The following TM6SF1 variants were observed in gnomAD, a reference collection of about 807,000 sequenced individuals.
TM6SF1 encodes the protein transmembrane 6 superfamily member 1.
A neutral mutation model predicts 47.1 loss-of-function variants in TM6SF1; 43 were observed. That is an observed-to-expected ratio of 0.91 (90% CI 0.72 to 1.18). The LOEUF (loss-of-function observed/expected upper bound fraction) is 1.18, where lower values mean the gene tolerates loss of function less well. Ranked by LOEUF, TM6SF1 falls within the 50% of genes most tolerant of loss-of-function variation. The pLI, the probability that TM6SF1 is intolerant of heterozygous loss-of-function variation, is 0.00. For synonymous variants in TM6SF1, 177 were observed against 166.3 expected (o/e 1.06, Z -0.49); for missense variants, 390 against 449.0 (o/e 0.87, Z 1.19).
At chr15:83,116,105 C>T (rs2034635386) in intron 3 of TM6SF1, among the ~76,000 whole-genome samples, 163 bp downstream of exon 3, 1 of 152,168 alleles carries the variant, frequency 6.6e-6, no homozygotes, top group Non-Finnish European at 1.5e-5. Flanking sequence ...GAAAGTGGAG[C>T]AGAAAGGACG....
intron 9 of TM6SF1, 178 bp downstream of exon 9, chr15:83,127,655 A>G (rs1446847550): frequency 3.2e-6 from 2 of 619,316 alleles, no homozygotes; most frequent in Non-Finnish European, 5.6e-6. Context: ...CAATCTCACA[A>G]TAACTATATG....
chr15:83,131,261 A>G (rs1437825608), intron 9 of TM6SF1: 1 of 152,168 alleles, frequency 6.6e-6, no homozygotes, highest in Non-Finnish European at 1.5e-5. Flanking sequence ...TAAACTCTCA[A>G]GAATCTATGC....
chr15:83,119,413 C>A (rs1031229553), intron 3 of TM6SF1, among the ~76,000 whole-genome samples, 165 bp from the exon 4 acceptor site: 3 of 152,150 alleles, frequency 2.0e-5, no homozygotes, highest in African/African-American at 7.2e-5. Context: ...GCAGCTCCAG[C>A]GTAAAGTTGT....
At chr15:83,108,660 G>C (rs1302642516) in intron 1 of TM6SF1, among the ~76,000 whole-genome samples, 2 of 152,216 alleles carry the variant, frequency 1.3e-5, no homozygotes, top group Admixed American at 6.5e-5. Context: ...GCTGATGTTG[G>C]TTGCTGTCTG....
chr15:83,119,338 T>C (rs995558571), intron 3 of TM6SF1, among the ~76,000 whole-genome samples: 2 of 152,268 alleles, frequency 1.3e-5, no homozygotes, highest in African/African-American at 4.8e-5. Context: ...CCTATGTTGA[T>C]GCATCATGGG....
At chr15:83,125,118 C>A (rs868403858) in intron 7 of TM6SF1, among the ~76,000 whole-genome samples, 1 of 152,286 alleles carries the variant, frequency 6.6e-6, no homozygotes, top group Middle Eastern at 3.4e-3. Context: ...CACCCTAGGA[C>A]TGCAACACAA....
chr15:83,115,963 T>C (rs1272120289), intron 3 of TM6SF1, 21 bp downstream of exon 3: 1 of 1,589,786 alleles, frequency 6.3e-7, no homozygotes, highest in East Asian at 2.2e-5. Flanking sequence ...ACTTAGTGAT[T>C]ATGAGGTTTC....
Position 83,119,169 on chromosome 15 carries a change from A to C in TM6SF1, c.295-409A>C, listed in dbSNP as rs949385202. On this transcript the variant is annotated intron_variant, in intron 3 of 9. Coordinates refer to ENST00000322019, the MANE Select transcript of TM6SF1 (RefSeq NM_023003.5). Reference sequence around the variant, plus strand: ...GCAAGCCACGGGATCAGCATGAATTATTAAGGCCAGCCACTGGTTCTGGAA... The same window carrying C: ...GCAAGCCACGGGATCAGCATGAATTCTTAAGGCCAGCCACTGGTTCTGGAA... 7.9e-5 allele frequency among the ~76,000 whole-genome samples: 12 copies of C among 152,322 alleles called. No individual in the cohort carries two copies. The East Asian group carries it at 2.3e-3, about 29-fold the overall frequency.
rs1350608300 is a variant in TM6SF1 at position 83,119,684 on chromosome 15, A to C, written c.398+3A>C. ...ATGGTGGCAGCCATAGCATGGGAGT[A>C]AGTCAGTTCACCTGGTGTGTGCCTT... On this transcript the variant is annotated splice_donor_region_variant and intron_variant, in intron 4 of 9. Transcript: ENST00000322019. 1.6e-5 allele frequency: 26 copies of C among 1,614,002 alleles called. No homozygotes were observed. The highest frequency in any genetic ancestry group is 5.0e-5 in the Admixed American group (3 of 59,996).
chr15:83,136,414 G>C, intron 9 of TM6SF1, 67 bp from the exon 10 acceptor site: 3 of 1,420,752 alleles, frequency 2.1e-6, no homozygotes, highest in Non-Finnish European at 2.9e-6. Flanking sequence ...GAACCATTCA[G>C]AACTCATCAT....
intron 9 of TM6SF1, chr15:83,133,598 T>C (rs931069652): frequency 1.3e-5 from 2 of 152,252 alleles, no homozygotes; most frequent in African/African-American, 4.8e-5. Flanking sequence ...GAGAAATTTC[T>C]AGGATCAACA....
At chr15:83,115,660 C>T in intron 2 of TM6SF1, 185 bp from the exon 3 acceptor site, 1 of 692,270 alleles carries the variant, frequency 1.4e-6, no homozygotes. Flanking sequence ...ATGGGGAGAG[C>T]TGCGAACACA....
intron 1 of TM6SF1, 72 bp from the exon 2 acceptor site, chr15:83,112,725 A>G (rs2034297207): frequency 1.8e-6 from 2 of 1,094,332 alleles, no homozygotes; most frequent in Non-Finnish European, 2.8e-6. Context: ...GAATGCATTC[A>G]ATAGTCAGGA....
At chr15:83,121,520 T>G (rs1364934658) in intron 4 of TM6SF1, among the ~76,000 whole-genome samples, 1 of 152,228 alleles carries the variant, frequency 6.6e-6, no homozygotes, top group Non-Finnish European at 1.5e-5. Flanking sequence ...CCATTTAACA[T>G]TATCATTGTA....
chr15:83,111,678 C>T, intron 1 of TM6SF1: 2 of 985,296 alleles, frequency 2.0e-6, no homozygotes, highest in Non-Finnish European at 2.4e-6. Flanking sequence ...CTGAAGAGGT[C>T]CTGGTGTAGC....
chr15:83,107,933 G>A lies in TM6SF1; in HGVS notation c.92+161G>A, dbSNP rs1050768835. ...CCGCGCCTGGCCAGACTAGGGGGGCGCCCCAGGGGTCGCACGGGCCGGGTC... is the reference window on the plus strand; with the variant it reads ...CCGCGCCTGGCCAGACTAGGGGGGCACCCCAGGGGTCGCACGGGCCGGGTC... On this transcript the variant is annotated intron_variant, in intron 1 of 9. Coordinates refer to ENST00000322019, the MANE Select transcript of TM6SF1 (RefSeq NM_023003.5). The surrounding 1 kb of genome is among the most constrained non-coding windows in gnomAD (Gnocchi z 5.6). 5 of 1,268,300 alleles carry A rather than the reference G, an allele frequency of 3.9e-6. No individual in the cohort carries two copies. Among genetic ancestry groups the A allele is most frequent in the Non-Finnish European group, 5.0e-6 (5 of 998,416 alleles). 78.6% of individuals were successfully genotyped at this position (1,268,300 alleles called of 1,614,324 possible).
Position 83,127,349 on chromosome 15 carries a change from T to C in TM6SF1, c.802-9T>C. The C allele has an allele frequency of 6.2e-7, 1 of 1,608,306 alleles. No individual in the cohort carries two copies. Among genetic ancestry groups the C allele is most frequent in the Non-Finnish European group, 8.5e-7 (1 of 1,177,892 alleles). ...TTTGCTGATGATGTTATTTCTCTGT[T>C]CAATACAGATGCTGGCATATATGTT... On this transcript the variant is annotated splice_polypyrimidine_tract_variant and intron_variant, in intron 8 of 9. Transcript: ENST00000322019.
Position 83,127,403 on chromosome 15 carries a change from C to T in TM6SF1, c.847C>T (p.Leu283=), listed in dbSNP as rs1486090945. The T allele has an allele frequency of 6.2e-7, 1 of 1,613,936 alleles. No individual in the cohort carries two copies. Among genetic ancestry groups the T allele is most frequent in the African/African-American group, 1.3e-5 (1 of 75,020 alleles). The change falls in exon 9 of 10, where the codon CTG becomes TTG. Residue 283 remains leucine (L), a synonymous_variant. Coordinates refer to ENST00000322019, the MANE Select transcript of TM6SF1 (RefSeq NM_023003.5). ...FYSVPYFVTA[L]YGLVVPGCSW... Reference sequence around the variant, plus strand: ...TTCTGTTCCTTACTTTGTGACTGCACTGTATGGCTTAGTGGTTCCTGGATG... The same window carrying T: ...TTCTGTTCCTTACTTTGTGACTGCATTGTATGGCTTAGTGGTTCCTGGATG...
rs2035389081 is a variant in TM6SF1 at position 83,122,761 on chromosome 15, G to A, written c.486G>A (p.Lys162=). 6.2e-7 allele frequency: 1 copy of A among 1,613,704 alleles called. No homozygotes were observed. The highest frequency in any genetic ancestry group is 8.5e-7 in the Non-Finnish European group (1 of 1,179,928). The change falls in exon 6 of 10, where the codon AAG becomes AAA. Residue 162 remains lysine, a synonymous_variant. Coordinates refer to ENST00000322019, the MANE Select transcript of TM6SF1 (RefSeq NM_023003.5). The part of the protein sequence containing the change: ...VVFVPGNIVG[K]YGTRICPAFF... ...CTCTTTCTCTCTTTTAAATAGGGAAGTATGGAACACGAATTTGCCCTGCTT... is the reference window on the plus strand; with the variant it reads ...CTCTTTCTCTCTTTTAAATAGGGAAATATGGAACACGAATTTGCCCTGCTT...
Sources: gnomAD v4.1 joint callset for allele counts (sites outside exome capture counted in the v4.1 genomes callset) on GRCh38, gnomAD v4.1.1 for gene constraint, Gnocchi (gnomAD v3.1) non-coding constraint, MANE v1.5 for transcripts, NCBI Gene and HGNC (gene_info 2026-07-23, HGNC 2026-07-21) for gene names.